The following WWTR1 variants were observed in gnomAD, a reference collection of about 807,000 sequenced individuals.
WWTR1 encodes WW domain containing transcription regulator 1.
WWTR1 carries 13 observed loss-of-function variants against 40.1 expected under a neutral mutation model. The ratio of observed to expected loss-of-function variants is 0.32; its 90% CI spans 0.21 to 0.52. WWTR1 has a LOEUF of 0.52. Ranked by LOEUF, WWTR1 falls within the 20% of genes least tolerant of loss-of-function variation. WWTR1 has a pLI of 0.97. For synonymous variants in WWTR1, 230 were observed against 210.1 expected, an observed-to-expected ratio of 1.09 and a Z score of -0.82; for missense variants, 436 against 523.1, an observed-to-expected ratio of 0.83 and a Z score of 1.63.
At chr3:149,651,660 G>A (rs1349732827) in intron 2 of WWTR1, among the ~76,000 whole-genome samples, 1 of 152,040 alleles carries the variant, frequency 6.6e-6, no homozygotes, top group East Asian at 1.9e-4. Flanking sequence ...GATGAAGAGT[G>A]AGAAAACAAA....
At chr3:149,680,265 C>T (rs918417980) in intron 1 of WWTR1, among the ~76,000 whole-genome samples, 42 of 152,278 alleles carry the variant, frequency 2.8e-4, no homozygotes, top group African/African-American at 3.1e-4. Flanking sequence ...TATCTGGGGC[C>T]GGGCACAGTG....
intron 4 of WWTR1, among the ~76,000 whole-genome samples, chr3:149,721,035 C>T (rs1410927396): frequency 6.6e-6 from 1 of 152,114 alleles, no homozygotes; most frequent in Non-Finnish European, 1.5e-5. Flanking sequence ...GGGTTTTCTA[C>T]ATATGAGATC....
intron 1 of WWTR1, among the ~76,000 whole-genome samples, chr3:149,679,194 T>A (rs565456778): frequency 0.043 from 6,541 of 152,298 alleles, 288 homozygotes; most frequent in East Asian, 0.13. Context: ...CAGTAAAGGT[T>A]GTTGTTTTCC....
intron 5 of WWTR1, among the ~76,000 whole-genome samples, chr3:149,714,555 T>A (rs1431091439): frequency 6.6e-6 from 1 of 152,200 alleles, no homozygotes; most frequent in Non-Finnish European, 1.5e-5. Context: ...CTCTGGACTT[T>A]GGGAACTAAT....
intron 2 of WWTR1, among the ~76,000 whole-genome samples, chr3:149,628,442 A>C (rs370201770): frequency 6.7e-6 from 1 of 149,972 alleles, no homozygotes; most frequent in African/African-American, 2.5e-5. Flanking sequence ...CTTTGCAACA[A>C]GGAAACTCAA....
At chr3:149,562,069 C>T (rs1056382437) in intron 3 of WWTR1, among the ~76,000 whole-genome samples, 1 of 152,010 alleles carries the variant, frequency 6.6e-6, no homozygotes, top group Non-Finnish European at 1.5e-5. Context: ...CCGAGGCGGG[C>T]GGATCACCTG....
chr3:149,596,706 A>C (rs988548604), intron 2 of WWTR1, among the ~76,000 whole-genome samples: 1 of 152,236 alleles, frequency 6.6e-6, no homozygotes, highest in Non-Finnish European at 1.5e-5. Flanking sequence ...TGATGTGCGC[A>C]ATGGCGAATC....
chr3:149,630,296 A>G (rs1398768666), intron 2 of WWTR1, among the ~76,000 whole-genome samples: 1 of 152,224 alleles, frequency 6.6e-6, no homozygotes, highest in Non-Finnish European at 1.5e-5. Flanking sequence ...AAAATAACTC[A>G]TATAAAATTA....
chr3:149,648,141 C>T (rs1712640864), intron 2 of WWTR1, among the ~76,000 whole-genome samples: 1 of 152,138 alleles, frequency 6.6e-6, no homozygotes, highest in Non-Finnish European at 1.5e-5. Flanking sequence ...TCTGAACACC[C>T]AGCCTTCATT....
At chr3:149,600,036 A>G (rs2108047712) in intron 2 of WWTR1, among the ~76,000 whole-genome samples, 1 of 152,380 alleles carries the variant, frequency 6.6e-6, no homozygotes. Flanking sequence ...TTTACATTTT[A>G]TCAGGTATTA....
intron 1 of WWTR1, among the ~76,000 whole-genome samples, chr3:149,673,732 C>T (rs1227649183): frequency 6.6e-6 from 1 of 152,222 alleles, no homozygotes; most frequent in African/African-American, 2.4e-5. Flanking sequence ...TCATGGGTCT[C>T]TCTCTCCAGA....
intron 3 of WWTR1, among the ~76,000 whole-genome samples, chr3:149,565,379 A>G (rs1390246217): frequency 1.3e-5 from 2 of 151,808 alleles, no homozygotes; most frequent in Admixed American, 6.6e-5. Context: ...CAAAGAAGAA[A>G]TTTTCTACCT....
intron 2 of WWTR1, among the ~76,000 whole-genome samples, chr3:149,597,505 C>T (rs186668528): frequency 2.0e-5 from 3 of 151,018 alleles, no homozygotes; most frequent in East Asian, 3.9e-4. Flanking sequence ...TCTATCTAGG[C>T]GTGGCAGCGC....
At chr3:149,630,158 A>G (rs993579188) in intron 2 of WWTR1, among the ~76,000 whole-genome samples, 1 of 152,194 alleles carries the variant, frequency 6.6e-6, no homozygotes, top group African/African-American at 2.4e-5. Context: ...CTTCAAGGAT[A>G]TTAGAATAAT....
intron 3 of WWTR1, among the ~76,000 whole-genome samples, chr3:149,542,764 T>C (rs1402097677): frequency 6.6e-6 from 1 of 152,200 alleles, no homozygotes; most frequent in Non-Finnish European, 1.5e-5. Flanking sequence ...TTGTTTCTGT[T>C]AAAATCTCAT....
chr3:149,539,162 G>T (rs748587885), intron 4 of WWTR1, among the ~76,000 whole-genome samples: 11 of 152,034 alleles, frequency 7.2e-5, no homozygotes, highest in Non-Finnish European at 1.3e-4. Flanking sequence ...TTTTTTCATG[G>T]CACAACATCA....
intron 3 of WWTR1, among the ~76,000 whole-genome samples, chr3:149,547,456 G>A (rs1011927944): frequency 6.6e-6 from 1 of 151,974 alleles, no homozygotes; most frequent in Non-Finnish European, 1.5e-5. Context: ...AACCCGGGAC[G>A]TGGAGGTTGC....
chr3:149,595,838 C>A (rs1221617857), intron 2 of WWTR1, among the ~76,000 whole-genome samples: 1 of 152,148 alleles, frequency 6.6e-6, no homozygotes, highest in Non-Finnish European at 1.5e-5. Flanking sequence ...TCGAGACCAG[C>A]CTGTCTAACA....
intron 2 of WWTR1, among the ~76,000 whole-genome samples, chr3:149,634,822 C>T (rs373746620): frequency 1.2e-4 from 18 of 152,372 alleles, no homozygotes; most frequent in East Asian, 7.7e-4. Context: ...AACCACTGAG[C>T]CTCTTCCCTG....
Sources: allele counts gnomAD v4.1 joint callset (sites outside exome capture counted in the v4.1 genomes callset), GRCh38; gene constraint gnomAD v4.1.1; transcripts MANE v1.5; gene names NCBI Gene and HGNC (gene_info 2026-07-23, HGNC 2026-07-21).